POLD1: variants seen among roughly 807,000 people sequenced by gnomAD.
POLD1 encodes DNA polymerase delta 1, catalytic subunit.
A neutral mutation model predicts 129.7 loss-of-function variants in POLD1; 79 were observed. That is an observed-to-expected ratio of 0.61 (90% CI 0.51 to 0.73). The LOEUF (loss-of-function observed/expected upper bound fraction) is 0.73. Among genes scored for constraint, POLD1 ranks in the 30% least tolerant of loss-of-function variants. The pLI is 0.00. For missense variants in POLD1, 1,338 were observed against 1,595.8 expected (o/e 0.84, Z 2.75); for synonymous variants, 714 against 683.3 (o/e 1.04, Z -0.70).
intron 10 of POLD1, among the ~76,000 whole-genome samples, chr19:50,404,264 CT>C (rs1174508532): frequency 0.029 from 4,213 of 142,930 alleles, 193 homozygotes; most frequent in African/African-American, 0.097. Context: ...CATGTCCTCC[CT>C]TTTTTTTTTT....
At chr19:50,415,049 A>C (rs2039227351) in intron 20 of POLD1, 59 bp downstream of exon 20, 1 of 1,395,128 alleles carries the variant, frequency 7.2e-7, no homozygotes, top group African/African-American at 1.5e-5. Flanking sequence ...CTCCTCCCTC[A>C]GACCCAGGAG....
chr19:50,389,678 C>G (rs1225628040), intron 1 of POLD1, among the ~76,000 whole-genome samples: 1 of 151,810 alleles, frequency 6.6e-6, no homozygotes, highest in African/African-American at 2.4e-5. Context: ...CCTCTGCCTC[C>G]TGGGTTCAAG....
At chr19:50,397,943 A>G (rs1271602183) in intron 1 of POLD1, among the ~76,000 whole-genome samples, 1 of 152,170 alleles carries the variant, frequency 6.6e-6, no homozygotes, top group Non-Finnish European at 1.5e-5. Context: ...CGGTGAAAGG[A>G]ATTCCTTATT....
At chr19:50,400,905 C>T (rs1016140016) in intron 3 of POLD1, among the ~76,000 whole-genome samples, 1 of 151,070 alleles carries the variant, frequency 6.6e-6, no homozygotes, top group African/African-American at 2.4e-5. Context: ...ACCGTTTTAG[C>T]CAGGATGGTC....
Position 50,417,158 on chromosome 19 carries a change from G to T in POLD1, c.3121-14G>T, listed in dbSNP as rs367766963. 6.3e-7 allele frequency: 1 copy of T among 1,586,786 alleles called. No individual in the cohort carries two copies. Among genetic ancestry groups the T allele is most frequent in the Non-Finnish European group, 8.6e-7 (1 of 1,166,812 alleles). ...GGAGGCGGGGGCGCCCTGCTCAGCC[G>T]CTGCCGTCCCCAGGTATCCCATCTG... On this transcript the variant is annotated splice_polypyrimidine_tract_variant and intron_variant, in intron 25 of 26. Coordinates refer to ENST00000440232, the MANE Select transcript of POLD1 (RefSeq NM_002691.4).
intron 1 of POLD1, among the ~76,000 whole-genome samples, chr19:50,398,464 C>T (rs1252676023): frequency 2.9e-5 from 4 of 139,492 alleles, no homozygotes; most frequent in Admixed American, 1.6e-4. Flanking sequence ...CCCAGCTACT[C>T]GGGAGGCTGA....
At chr19:50,408,252 T>G (rs1277170474) in intron 14 of POLD1, among the ~76,000 whole-genome samples, 1 of 142,722 alleles carries the variant, frequency 7.0e-6, no homozygotes, top group Non-Finnish European at 1.5e-5. Context: ...GAAGAATCGC[T>G]TGAACCCGGG....
intron 3 of POLD1, 128 bp from the exon 4 acceptor site, chr19:50,401,650 G>A (rs1420809395): frequency 2.0e-6 from 2 of 994,934 alleles, no homozygotes; most frequent in African/African-American, 1.6e-5. Context: ...AGGCTGAAAT[G>A]GACACAGGGA....
rs191498846 is a variant in POLD1 at position 50,389,927 on chromosome 19, T to G, written c.-2+5537T>G. ...TTTTGTTTTGTTTTTTTTTTCTTTTTTGAAACAGAGCCTCATTGTCACCCA... is the reference window on the plus strand; with the variant it reads ...TTTTGTTTTGTTTTTTTTTTCTTTTGTGAAACAGAGCCTCATTGTCACCCA... On this transcript the variant is annotated intron_variant, in intron 1 of 26. Coordinates refer to ENST00000440232, the MANE Select transcript of POLD1 (RefSeq NM_002691.4). 3.9e-3 allele frequency among the ~76,000 whole-genome samples: 590 copies of G among 149,440 alleles called. 13 individuals are homozygous for G. Among genetic ancestry groups the G allele is most frequent in the Admixed American group, 0.036 (533 of 14,926 alleles).
rs963041220 is a variant in POLD1 at position 50,409,966 on chromosome 19, T to C, written c.2154+300T>C. Among the ~76,000 whole-genome samples, 1 of 152,150 alleles carries C rather than the reference T, an allele frequency of 6.6e-6. No homozygotes were observed. The highest frequency in any genetic ancestry group is 2.4e-5 in the African/African-American group (1 of 41,442). On this transcript the variant is annotated intron_variant, in intron 17 of 26. Coordinates refer to ENST00000440232, the MANE Select transcript of POLD1 (RefSeq NM_002691.4). The surrounding 1 kb of genome is among the most constrained non-coding windows in gnomAD (Gnocchi z 5.8). Reference sequence around the variant, plus strand: ...CCCAGTGGGGACACTGACAGGTCTGTGTAAACGTGTTTAGGACACAAGTGG... The same window carrying C: ...CCCAGTGGGGACACTGACAGGTCTGCGTAAACGTGTTTAGGACACAAGTGG...
chr19:50,415,872 C>T, intron 22 of POLD1, 46 bp downstream of exon 22: 1 of 1,325,640 alleles, frequency 7.5e-7, no homozygotes, highest in East Asian at 2.5e-5. Flanking sequence ...CCCTCGCTCT[C>T]ACTTCTGCTT....
Position 50,415,530 on chromosome 19 carries a change from A to T in POLD1, c.2657A>T (p.Glu886Val), listed in dbSNP as rs1568637937. The change falls in exon 21 of 27, where the codon GAG becomes GTG. Residue 886 changes from glutamate (E) to valine (V), a missense_variant. This residue lies in a region of POLD1 where 720 missense variants were observed against 1,002.6 expected (regional missense o/e 0.72). Transcript: ENST00000440232. ...IDISQLVITK[E>V]LTRAASDYAG... ...ATCTCCCAGCTGGTCATCACCAAGG[A>T]GCTGACCCGCGCGGCCTCCGACTAT... is the stretch of plus-strand genomic sequence containing the variant. The T allele has an allele frequency of 6.2e-7, 1 of 1,613,216 alleles. No individual in the cohort carries two copies. The highest frequency in any genetic ancestry group is 8.5e-7 in the Non-Finnish European group (1 of 1,179,834).
intron 17 of POLD1, among the ~76,000 whole-genome samples, chr19:50,411,762 C>T (rs910079365): frequency 1.3e-4 from 19 of 151,998 alleles, no homozygotes; most frequent in Non-Finnish European, 2.2e-4. Flanking sequence ...ATCGCTTGAA[C>T]CCAGGAGGCA....
At position 50,391,186 on chromosome 19, in the gene POLD1, G is replaced by T. The variant is rs981476808; in HGVS notation, c.-2+6796G>T. The stretch of plus-strand genomic sequence containing the variant: ...CCCACATCTCAGACGATGAGCAGCC[G>T]GGCAGAGACGCTCCTCACTTCCTAG... On this transcript the variant is annotated intron_variant, in intron 1 of 26. Transcript: ENST00000440232. Among the ~76,000 whole-genome samples the T allele has an allele frequency of 3.3e-5, 5 of 150,866 alleles. 1 individual carries two copies. Among genetic ancestry groups the T allele is most frequent in the Admixed American group, 3.3e-4 (5 of 15,184 alleles).
chr19:50,406,597 C>T lies in POLD1; in HGVS notation c.1494+80C>T, dbSNP rs563871363. ...TCCCCGGCCTCTGACCTCAACTTCA[C>T]GCCCCCACGTCTGACCTCACTCTTT... On this transcript the variant is annotated intron_variant, in intron 12 of 26. Transcript: ENST00000440232. This position sits in a 1 kb window ranked among gnomAD's most constrained non-coding sequence, Gnocchi z 5.5. 17 of 1,037,352 alleles carry T rather than the reference C, an allele frequency of 1.6e-5. 1 individual carries two copies. The highest frequency in any genetic ancestry group is 1.4e-4 in the Admixed American group (7 of 50,034). The allele number at this position is 1,037,352 out of a possible 1,614,324, so 64.3% of individuals were successfully genotyped here.
intron 19 of POLD1, 67 bp from the exon 20 acceptor site, chr19:50,414,748 G>C (rs1266318851): frequency 1.0e-5 from 13 of 1,301,696 alleles, no homozygotes; most frequent in Non-Finnish European, 1.3e-5. Context: ...TTCAGTTTCT[G>C]GGGGGCGTCT....
Position 50,399,394 on chromosome 19 carries a change from G to C in POLD1, c.226G>C (p.Asp76His), listed in dbSNP as rs1270501754. The C allele has an allele frequency of 1.9e-6, 3 of 1,614,142 alleles. No individual in the cohort carries two copies. Among genetic ancestry groups the C allele is most frequent in the Non-Finnish European group, 1.7e-6 (2 of 1,179,970 alleles). ...AGGGCAGGTCCCACCATCAGCCATA[G>C]ATCCTCGCTGGCTTCGGCCCACACC... ...ADGQVPPSAIDPRWLRPTPPA... is the reference protein window; with the variant it reads ...ADGQVPPSAIHPRWLRPTPPA... Residue 76 changes from aspartate to histidine, a missense_variant, in exon 3 of 27, where the codon GAT (aspartate) becomes CAT (histidine). Asp to His is a moderately conservative substitution (Grantham distance 81). This residue lies in a region of POLD1 where 332 missense variants were observed against 315.7 expected (regional missense o/e 1.05). Coordinates refer to ENST00000440232, the MANE Select transcript of POLD1 (RefSeq NM_002691.4).
rs533173408 is a variant in POLD1 at position 50,410,294 on chromosome 19, C to G, written c.2154+628C>G. 1.7e-4 allele frequency among the ~76,000 whole-genome samples: 26 copies of G among 152,348 alleles called. No individual in the cohort carries two copies. In the South Asian group the frequency reaches 2.9e-3, roughly 17 times the overall value. On this transcript the variant is annotated intron_variant, in intron 17 of 26. Coordinates refer to ENST00000440232, the MANE Select transcript of POLD1 (RefSeq NM_002691.4). ...GCCTCGGAAGGGTCTTCCTGTCCAG[C>G]CTTCTCCCCTGGGACTTGAGTCTTG...
intron 17 of POLD1, among the ~76,000 whole-genome samples, chr19:50,412,090 A>G (rs112501088): frequency 0.1 from 15,938 of 152,196 alleles, 2,727 homozygotes; most frequent in African/African-American, 0.35. Flanking sequence ...GAGTTACAGT[A>G]AGCTGTGATG....
Sources: gnomAD v4.1 joint callset for allele counts (sites outside exome capture counted in the v4.1 genomes callset) on GRCh38, gnomAD v4.1.1 for gene constraint, gnomAD v4.1.1 regional missense constraint, Gnocchi (gnomAD v3.1) non-coding constraint, MANE v1.5 for transcripts, NCBI Gene and HGNC (gene_info 2026-07-23, HGNC 2026-07-21) for gene names.